Variants in PTPRM observed in about 807,000 individuals in gnomAD.
PTPRM encodes the protein receptor-type tyrosine-protein phosphatase mu.
PTPRM carries 47 observed loss-of-function variants against 186.7 expected under a neutral mutation model. That is an observed-to-expected ratio of 0.25 (90% CI 0.20 to 0.32). The LOEUF (loss-of-function observed/expected upper bound fraction) is 0.32, where lower values mean the gene tolerates loss of function less well. PTPRM is among the 10% of genes least tolerant of loss of function. The pLI, the probability that PTPRM is intolerant of heterozygous loss-of-function variation, is 1.00. For missense variants in PTPRM, 1,494 were observed against 1,865.0 expected, an observed-to-expected ratio of 0.80 and a Z score of 3.66; for synonymous variants, 668 against 674.9, an observed-to-expected ratio of 0.99 and a Z score of 0.16.
intron 13 of PTPRM, among the ~76,000 whole-genome samples, chr18:8,141,233 T>A (rs1378754127): frequency 6.6e-6 from 1 of 152,186 alleles, no homozygotes; most frequent in Non-Finnish European, 1.5e-5. Flanking sequence ...ACACTGATGC[T>A]TCTGCAGAGT....
intron 19 of PTPRM, among the ~76,000 whole-genome samples, chr18:8,254,666 C>T (rs1040844508): frequency 2.0e-5 from 3 of 152,298 alleles, no homozygotes; most frequent in African/African-American, 7.2e-5. Context: ...TGTTTCTTCT[C>T]TTCCTGTGGG....
intron 19 of PTPRM, among the ~76,000 whole-genome samples, chr18:8,279,265 G>A (rs573886400): frequency 5.9e-5 from 9 of 152,234 alleles, no homozygotes; most frequent in South Asian, 2.1e-4. Flanking sequence ...GGTGAGGAAC[G>A]TGAAATGGAA....
At chr18:8,356,079 G>T (rs149562206) in intron 23 of PTPRM, among the ~76,000 whole-genome samples, 1 of 152,350 alleles carries the variant, frequency 6.6e-6, no homozygotes, top group African/African-American at 2.4e-5. Context: ...TAGGAAGGAT[G>T]AATGGATGAA....
chr18:8,165,404 T>G (rs1034723938), intron 14 of PTPRM, among the ~76,000 whole-genome samples: 1 of 152,162 alleles, frequency 6.6e-6, no homozygotes, highest in African/African-American at 2.4e-5. Context: ...AATATTTATG[T>G]TGTTGGTACA....
chr18:8,285,049 G>A (rs2094941236), intron 19 of PTPRM, among the ~76,000 whole-genome samples: 1 of 152,116 alleles, frequency 6.6e-6, no homozygotes, highest in Non-Finnish European at 1.5e-5. Flanking sequence ...TTTATAGTCT[G>A]GGGAGGACAG....
chr18:8,006,520 A>G (rs1039727573), intron 7 of PTPRM, among the ~76,000 whole-genome samples: 9 of 152,224 alleles, frequency 5.9e-5, no homozygotes, highest in Admixed American at 5.2e-4. Flanking sequence ...CAACACAGGT[A>G]AAGGAGGCTT....
intron 32 of PTPRM, among the ~76,000 whole-genome samples, chr18:8,395,854 T>C (rs1039613340): frequency 6.6e-6 from 1 of 152,254 alleles, no homozygotes; most frequent in African/African-American, 2.4e-5. Flanking sequence ...TAAGTGTCCT[T>C]AAGCATGTCA....
intron 23 of PTPRM, among the ~76,000 whole-genome samples, chr18:8,349,299 C>T (rs1487480793): frequency 6.6e-6 from 1 of 152,182 alleles, no homozygotes; most frequent in Non-Finnish European, 1.5e-5. Flanking sequence ...GTTTTTACTA[C>T]AAAATCTCTT....
intron 6 of PTPRM, among the ~76,000 whole-genome samples, chr18:7,953,124 C>T (rs921931389): frequency 2.0e-5 from 3 of 152,210 alleles, no homozygotes; most frequent in Non-Finnish European, 4.4e-5. Flanking sequence ...TTTGATTTAG[C>T]ATATCTGGTA....
intron 1 of PTPRM, among the ~76,000 whole-genome samples, chr18:7,620,497 A>T (rs1311733966): frequency 6.6e-6 from 1 of 152,150 alleles, no homozygotes; most frequent in African/African-American, 2.4e-5. Flanking sequence ...TTGCCAAGTG[A>T]GGGAGATTCA....
intron 2 of PTPRM, among the ~76,000 whole-genome samples, chr18:7,820,144 A>G (rs766132374): frequency 2.0e-4 from 15 of 75,842 alleles, no homozygotes; most frequent in Non-Finnish European, 2.7e-4. Flanking sequence ...GCCTGCCTGT[A>G]TCCAGCTTCC....
intron 31 of PTPRM, among the ~76,000 whole-genome samples, chr18:8,390,788 C>T (rs2095806194): frequency 1.3e-5 from 2 of 151,976 alleles, no homozygotes; most frequent in Non-Finnish European, 1.5e-5. Context: ...ATTAGCCGGG[C>T]GCAGTGGCAG....
chr18:8,389,922 G>A (rs2095800685), intron 31 of PTPRM, among the ~76,000 whole-genome samples: 1 of 152,164 alleles, frequency 6.6e-6, no homozygotes, highest in South Asian at 2.1e-4. Context: ...ATTCAAGGTA[G>A]GCAAATAGAG....
intron 2 of PTPRM, chr18:7,815,806 A>T (rs969946825): frequency 6.6e-6 from 1 of 152,218 alleles, no homozygotes; most frequent in Non-Finnish European, 1.5e-5. Flanking sequence ...AAAGTATGGG[A>T]ATAGATTTAA....
At chr18:8,063,974 G>A (rs2088844320) in intron 7 of PTPRM, among the ~76,000 whole-genome samples, 1 of 152,060 alleles carries the variant, frequency 6.6e-6, no homozygotes, top group Admixed American at 6.6e-5. Flanking sequence ...GTCAATTGTG[G>A]CCTATGTTTA....
At chr18:7,795,783 T>C (rs573149068) in intron 2 of PTPRM, among the ~76,000 whole-genome samples, 16 of 151,946 alleles carry the variant, frequency 1.1e-4, no homozygotes, top group African/African-American at 3.9e-4. Context: ...TACCACTATT[T>C]TTATCGCATT....
At chr18:8,182,939 T>C (rs1015806480) in intron 14 of PTPRM, among the ~76,000 whole-genome samples, 2 of 152,188 alleles carry the variant, frequency 1.3e-5, no homozygotes, top group Non-Finnish European at 1.5e-5. Context: ...GGGAGAACAG[T>C]GCTCTATGTG....
intron 28 of PTPRM, 67 bp downstream of exon 28, chr18:8,379,407 G>A (rs1375921970): frequency 7.0e-7 from 1 of 1,438,438 alleles, no homozygotes; most frequent in Non-Finnish European, 9.2e-7. Context: ...AACAGGCTTG[G>A]GTCTTCCCCA....
chr18:8,181,900 A>G (rs1208766442), intron 14 of PTPRM, among the ~76,000 whole-genome samples: 1 of 152,196 alleles, frequency 6.6e-6, no homozygotes, highest in Non-Finnish European at 1.5e-5. Context: ...GTGGAACTCA[A>G]AGGAAACCCC....
Sources: allele counts gnomAD v4.1 joint callset (sites outside exome capture counted in the v4.1 genomes callset), GRCh38; gene constraint gnomAD v4.1.1; transcripts MANE v1.5; gene names NCBI Gene and HGNC (gene_info 2026-07-23, HGNC 2026-07-21).